Variants in DNMBP observed in about 807,000 individuals in gnomAD.
DNMBP encodes the protein dynamin binding protein, also known as dynamin-binding protein.
In DNMBP, 87 loss-of-function variants were observed where a neutral mutation model predicts 150.0. The ratio of observed to expected loss-of-function variants is 0.58; its 90% CI spans 0.49 to 0.69. DNMBP has a LOEUF of 0.69. Ranked by LOEUF, DNMBP falls within the 30% of genes least tolerant of loss-of-function variation. DNMBP has a pLI of 0.00. For missense variants in DNMBP, 1,774 were observed against 1,949.0 expected (o/e 0.91, Z 1.69); for synonymous variants, 711 against 750.4 (o/e 0.95, Z 0.86).
rs951021708 is a variant in DNMBP at position 99,992,779 on chromosome 10, G to A, written c.-11+17059C>T. Among the ~76,000 whole-genome samples, 4 of 152,118 alleles carry A rather than the reference G, an allele frequency of 2.6e-5. No homozygotes were observed. In the East Asian group the frequency reaches 7.7e-4, roughly 29 times the overall value. On this transcript the variant is annotated intron_variant, in intron 1 of 16. Transcript: ENST00000324109. ...ATGACCTCGTGATCTACTCGCCTGG[G>A]CCTCCCAAAGTGCTGGGATTACAGG... is the stretch of plus-strand genomic sequence containing the variant.
intron 4 of DNMBP, among the ~76,000 whole-genome samples, chr10:99,909,814 C>T (rs1173292279): frequency 6.6e-6 from 1 of 152,138 alleles, no homozygotes; most frequent in Non-Finnish European, 1.5e-5. Context: ...AAACATGAAG[C>T]TTATCAATGG....
chr10:99,921,812 C>T (rs1289724264), intron 4 of DNMBP, among the ~76,000 whole-genome samples: 1 of 138,420 alleles, frequency 7.2e-6, no homozygotes, highest in African/African-American at 2.7e-5. Flanking sequence ...CTGCAGTGTG[C>T]CAAGATCACG....
intron 15 of DNMBP, among the ~76,000 whole-genome samples, chr10:99,882,086 T>C (rs1054827832): frequency 5.3e-5 from 8 of 152,196 alleles, no homozygotes; most frequent in African/African-American, 1.9e-4. Context: ...TGGTTGAACC[T>C]GGAGGACACG....
intron 4 of DNMBP, among the ~76,000 whole-genome samples, chr10:99,918,267 C>G (rs2039988253): frequency 6.6e-6 from 1 of 152,044 alleles, no homozygotes; most frequent in Admixed American, 6.6e-5. Flanking sequence ...TTATCCTGCT[C>G]TGTGTAAAAC....
intron 1 of DNMBP, among the ~76,000 whole-genome samples, chr10:99,996,348 C>T (rs998406804): frequency 6.6e-6 from 1 of 152,022 alleles, no homozygotes; most frequent in East Asian, 1.9e-4. Context: ...TGGCGAAACC[C>T]CGTCTCTACT....
In DNMBP at chr10:99,969,085, A is replaced by C. The variant is rs190794074; in HGVS notation, c.268+30T>G. On this transcript the variant is annotated intron_variant, in intron 3 of 16. Coordinates refer to ENST00000324109, the MANE Select transcript of DNMBP (RefSeq NM_015221.4). ...GGGCAGACTCCAAAAATCTAATTTC[A>C]AATAGTCTACTATTTGATGAGCAGC... 5.4e-4 allele frequency: 874 copies of C among 1,608,514 alleles called. 3 individuals carry two copies. In the African/African-American group the frequency reaches 9.9e-3, roughly 18 times the overall value.
intron 14 of DNMBP, among the ~76,000 whole-genome samples, chr10:99,884,627 G>A (rs1245117170): frequency 2.0e-5 from 3 of 152,154 alleles, no homozygotes; most frequent in Non-Finnish European, 4.4e-5. Flanking sequence ...AATAAATTCA[G>A]GCTGGGCATG....
rs750298221 is a variant in DNMBP at position 99,957,011 on chromosome 10, C to T, written c.463G>A (p.Gly155Arg). ...TCTTCATCCAGCTGAGCAGAAAGCC[C>T]CATTAGGGCCCGGGCTTGTCCCATG... is the stretch of plus-strand genomic sequence containing the variant. The part of the protein sequence containing the change: ...YSMGQARALM[G>R]LSAQLDEELD... Residue 155 changes from glycine to arginine, a missense_variant, in exon 4 of 17, where the codon GGG (glycine) becomes AGG (arginine). Coordinates refer to ENST00000324109, the MANE Select transcript of DNMBP (RefSeq NM_015221.4). The T allele has an allele frequency of 1.2e-6, 2 of 1,614,222 alleles. No homozygotes were observed. Among genetic ancestry groups the T allele is most frequent in the South Asian group, 2.2e-5 (2 of 91,088 alleles).
chr10:100,001,233 TAAAAAAAAAAAAAAAA>T (rs71009800), intron 1 of DNMBP, among the ~76,000 whole-genome samples: 10 of 21,732 alleles, frequency 4.6e-4, no homozygotes, highest in Non-Finnish European at 5.1e-4. Flanking sequence ...TCCGTCTCAT[TAAAAAAAAAAAAAAAA>T]AAAAAAAAAA....
intron 1 of DNMBP, among the ~76,000 whole-genome samples, chr10:100,002,025 T>C (rs2041018924): frequency 2.0e-5 from 3 of 152,124 alleles, no homozygotes; most frequent in Admixed American, 1.3e-4. Context: ...AAGTTAATTG[T>C]AAGTTTTCTA....
intron 1 of DNMBP, among the ~76,000 whole-genome samples, chr10:100,004,274 T>C (rs1047005073): frequency 4.0e-5 from 6 of 150,598 alleles, no homozygotes; most frequent in African/African-American, 1.5e-4. Context: ...TATAAATATA[T>C]ATGTATATAT....
intron 2 of DNMBP, among the ~76,000 whole-genome samples, chr10:99,969,472 C>T (rs1165976089): frequency 6.6e-6 from 1 of 152,134 alleles, no homozygotes; most frequent in African/African-American, 2.4e-5. Flanking sequence ...CTGCTATAGG[C>T]AAAGCACGCT....
intron 1 of DNMBP, among the ~76,000 whole-genome samples, chr10:99,998,091 C>T (rs999966718): frequency 3.3e-5 from 5 of 151,262 alleles, no homozygotes; most frequent in Non-Finnish European, 5.9e-5. Context: ...AAAAATTAGC[C>T]AGGCGTGGTG....
intron 1 of DNMBP, among the ~76,000 whole-genome samples, chr10:100,001,123 C>T (rs1248231172): frequency 1.0e-4 from 15 of 148,812 alleles, no homozygotes; most frequent in East Asian, 8.1e-4. Context: ...CCCAGCTACT[C>T]GGGAGGCTAA....
At chr10:99,882,646 A>G (rs1296924607) in intron 15 of DNMBP, among the ~76,000 whole-genome samples, 1 of 152,132 alleles carries the variant, frequency 6.6e-6, no homozygotes, top group African/African-American at 2.4e-5. Context: ...ACTAAAACTT[A>G]AAGTATCTCA....
At chr10:99,946,918 C>G (rs1304926220) in intron 4 of DNMBP, among the ~76,000 whole-genome samples, 1 of 152,114 alleles carries the variant, frequency 6.6e-6, no homozygotes, top group Admixed American at 6.6e-5. Flanking sequence ...AGGACATGAA[C>G]TGACACTTCT....
At chr10:99,879,775 G>GCCTGTGCCACAGC in intron 16 of DNMBP, 36 bp downstream of exon 16, 1 of 1,607,340 alleles carries the variant, frequency 6.2e-7, no homozygotes, top group Non-Finnish European at 8.5e-7. Context: ...ATCTGCTGCC[G>GCCTGTGCCACAGC]CCTGTGCCAC....
At position 99,956,286 on chromosome 10, in the gene DNMBP, A is replaced by G. The variant is rs2040494774; in HGVS notation, c.1188T>C (p.Leu396=). Residue 396 remains leucine (L), a synonymous_variant, in exon 4 of 17, where the codon CTT becomes CTC. Transcript: ENST00000324109. ...GGTCAGATGTGGGAGAGTCTGTGGC[A>G]AGAGGCATTTCCCACTCCACGCCTG... The part of the protein sequence containing the change: ...RSPGVEWEMP[L]ATDSPTSDPT... 1.9e-6 allele frequency: 3 copies of G among 1,613,376 alleles called. No individual in the cohort carries two copies. In the East Asian group the frequency reaches 6.7e-5, roughly 36 times the overall value.
chr10:99,894,576 G>A (rs1564721238), intron 11 of DNMBP, among the ~76,000 whole-genome samples: 1 of 152,110 alleles, frequency 6.6e-6, no homozygotes, highest in African/African-American at 2.4e-5. Context: ...TTCACTGCTT[G>A]TTCTTTCTCG....
Sources: gnomAD v4.1 joint callset for allele counts (sites outside exome capture counted in the v4.1 genomes callset) on GRCh38, gnomAD v4.1.1 for gene constraint, MANE v1.5 for transcripts, NCBI Gene and HGNC (gene_info 2026-07-23, HGNC 2026-07-21) for gene names.